ZBTB20: variants seen among roughly 807,000 people sequenced by gnomAD.
ZBTB20 encodes zinc finger and BTB domain containing 20, also known as zinc finger and BTB domain-containing protein 20.
A neutral mutation model predicts 56.9 loss-of-function variants in ZBTB20; 9 were observed. That is an observed-to-expected ratio of 0.16 (90% CI 0.10 to 0.28). The LOEUF (loss-of-function observed/expected upper bound fraction) is 0.28, where lower values mean the gene tolerates loss of function less well. ZBTB20 is among the 10% of genes least tolerant of loss of function. ZBTB20 has a pLI of 1.00. For synonymous variants in ZBTB20, 417 were observed against 420.7 expected (o/e 0.99, Z 0.11); for missense variants, 655 against 1,003.0 (o/e 0.65, Z 4.69).
At chr3:114,456,629 T>C (rs569421938) in intron 7 of ZBTB20, among the ~76,000 whole-genome samples, 5 of 152,292 alleles carry the variant, frequency 3.3e-5, no homozygotes, top group African/African-American at 1.2e-4. Context: ...AAGGGGAAAC[T>C]ATATTTTCCG....
chr3:114,672,590 C>T lies in ZBTB20; in HGVS notation c.-295+20938G>A, dbSNP rs1028575465. ...TCGAGGTTCCAAGAGGGCCAGTAGA[C>T]GCCAGCCTACCTTACTGTAAAGTGT... On this transcript the variant is annotated intron_variant, in intron 6 of 11. Coordinates refer to ENST00000675478, the MANE Select transcript of ZBTB20 (RefSeq NM_001348800.3). 2.0e-4 allele frequency among the ~76,000 whole-genome samples: 30 copies of T among 152,290 alleles called. No individual in the cohort carries two copies. The South Asian group carries it at 5.2e-3, about 26-fold the overall frequency.
At chr3:115,129,048 G>A (rs2084425384) in intron 1 of ZBTB20, among the ~76,000 whole-genome samples, 1 of 151,666 alleles carries the variant, frequency 6.6e-6, no homozygotes. Context: ...GCAGTGAGCC[G>A]AGATTGCACC....
chr3:114,401,485 A>G (rs2086823852), intron 7 of ZBTB20, among the ~76,000 whole-genome samples: 3 of 152,024 alleles, frequency 2.0e-5, no homozygotes, highest in South Asian at 4.1e-4. Flanking sequence ...TTGTTTGACC[A>G]GAGAGTGATA....
chr3:114,649,234 A>G (rs1197395146), intron 6 of ZBTB20, among the ~76,000 whole-genome samples: 1 of 152,024 alleles, frequency 6.6e-6, no homozygotes, highest in Non-Finnish European at 1.5e-5. Flanking sequence ...TGCTGCCTGA[A>G]TACAAAATGT....
intron 6 of ZBTB20, among the ~76,000 whole-genome samples, chr3:114,599,544 C>A (rs2056598178): frequency 6.6e-6 from 1 of 151,988 alleles, no homozygotes; most frequent in African/African-American, 2.4e-5. Context: ...TGCCTTTTGG[C>A]AAATTAAAGA....
intron 4 of ZBTB20, among the ~76,000 whole-genome samples, chr3:114,805,207 T>C (rs1220644487): frequency 1.3e-5 from 2 of 151,938 alleles, no homozygotes; most frequent in African/African-American, 2.4e-5. Flanking sequence ...CACAATACTA[T>C]TAACTAAACT....
chr3:115,129,935 CT>C (rs2084453880), intron 1 of ZBTB20, among the ~76,000 whole-genome samples: 1 of 152,126 alleles, frequency 6.6e-6, no homozygotes. Context: ...GTAATATGTT[CT>C]ATTGCTGACA....
intron 6 of ZBTB20, among the ~76,000 whole-genome samples, chr3:114,664,566 G>C (rs1044036413): frequency 6.6e-6 from 1 of 151,516 alleles, no homozygotes; most frequent in East Asian, 1.9e-4. Context: ...CATCTGTAGG[G>C]AACAGGTCTC....
intron 11 of ZBTB20, among the ~76,000 whole-genome samples, chr3:114,340,624 T>C (rs2079687793): frequency 6.6e-6 from 1 of 152,216 alleles, no homozygotes; most frequent in Non-Finnish European, 1.5e-5. Context: ...ACTTGTTTTC[T>C]TTGTGCTGTT....
At chr3:114,382,053 T>C (rs891616118) in intron 8 of ZBTB20, among the ~76,000 whole-genome samples, 8 of 152,196 alleles carry the variant, frequency 5.3e-5, no homozygotes, top group African/African-American at 1.4e-4. Flanking sequence ...CCCAACTCCT[T>C]TATTAAAACC....
chr3:114,727,705 A>C (rs939081401), intron 5 of ZBTB20, among the ~76,000 whole-genome samples: 2 of 152,234 alleles, frequency 1.3e-5, no homozygotes, highest in African/African-American at 2.4e-5. Context: ...TTCATGTAGA[A>C]ATCTTTGTGA....
chr3:114,406,612 A>G (rs1357193511), intron 7 of ZBTB20, among the ~76,000 whole-genome samples: 4 of 151,872 alleles, frequency 2.6e-5, no homozygotes, highest in Non-Finnish European at 5.9e-5. Flanking sequence ...ATGAAAAAGA[A>G]CATCTTTATT....
intron 7 of ZBTB20, among the ~76,000 whole-genome samples, chr3:114,477,060 A>G (rs571947608): frequency 1.3e-5 from 2 of 152,364 alleles, no homozygotes; most frequent in Admixed American, 1.3e-4. Context: ...GAACACTGTT[A>G]GTGTGCAATA....
intron 6 of ZBTB20, among the ~76,000 whole-genome samples, chr3:114,525,073 C>T (rs1485477247): frequency 6.6e-6 from 1 of 152,148 alleles, no homozygotes; most frequent in Middle Eastern, 3.2e-3. Flanking sequence ...TAGCCTGTCA[C>T]TCTCTATTTT....
chr3:114,563,347 A>T (rs372879785), intron 6 of ZBTB20, among the ~76,000 whole-genome samples: 69 of 152,236 alleles, frequency 4.5e-4, no homozygotes, highest in African/African-American at 1.5e-3. Flanking sequence ...AATGATGAAA[A>T]TAAGGTACAT....
At chr3:114,590,538 T>C (rs62266261) in intron 6 of ZBTB20, among the ~76,000 whole-genome samples, 14,921 of 141,974 alleles carry the variant, frequency 0.11, 958 homozygotes, top group Non-Finnish European at 0.15. Context: ...TAAACAAAAA[T>C]AAAAATAAAT....
chr3:114,496,196 T>C (rs2043264945), intron 7 of ZBTB20, among the ~76,000 whole-genome samples: 1 of 152,164 alleles, frequency 6.6e-6, no homozygotes, highest in Non-Finnish European at 1.5e-5. Context: ...CCTCTTGAAT[T>C]TAGTACAGTG....
chr3:115,029,866 A>T (rs137872206), intron 2 of ZBTB20, among the ~76,000 whole-genome samples: 13 of 151,100 alleles, frequency 8.6e-5, no homozygotes, highest in Non-Finnish European at 1.8e-4. Context: ...GCAAAGGCAG[A>T]AGCCATAAAA....
rs143925465 is a variant in ZBTB20 at position 114,727,567 on chromosome 3, T to C, written c.-342-33992A>G. 1.2e-4 allele frequency among the ~76,000 whole-genome samples: 19 copies of C among 152,304 alleles called. No homozygotes were observed. The East Asian group carries it at 3.1e-3, about 25-fold the overall frequency. Reference sequence around the variant, plus strand: ...TGGTAACTATACTGTAAGAAATCATTTAAAAGGCAGAAAGAGGAAATGAAA... The same window carrying C: ...TGGTAACTATACTGTAAGAAATCATCTAAAAGGCAGAAAGAGGAAATGAAA... On this transcript the variant is annotated intron_variant, in intron 5 of 11. Coordinates refer to ENST00000675478, the MANE Select transcript of ZBTB20 (RefSeq NM_001348800.3).
Sources: gnomAD v4.1 joint callset for allele counts (sites outside exome capture counted in the v4.1 genomes callset) on GRCh38, gnomAD v4.1.1 for gene constraint, MANE v1.5 for transcripts, NCBI Gene and HGNC (gene_info 2026-07-23, HGNC 2026-07-21) for gene names.